The following HMBOX1 variants were observed in gnomAD, a reference collection of about 807,000 sequenced individuals.
HMBOX1 encodes the protein homeobox-containing protein 1.
HMBOX1 carries 14 observed loss-of-function variants against 54.5 expected under a neutral mutation model. The ratio of observed to expected loss-of-function variants is 0.26; its 90% CI spans 0.17 to 0.40. HMBOX1 has a LOEUF of 0.40. Among genes scored for constraint, HMBOX1 ranks in the 10% least tolerant of loss-of-function variants. HMBOX1 has a pLI of 1.00. For missense variants in HMBOX1, 332 were observed against 514.4 expected (o/e 0.65, Z 3.43); for synonymous variants, 160 against 181.0 (o/e 0.88, Z 0.93).
intron 1 of HMBOX1, among the ~76,000 whole-genome samples, chr8:28,908,483 G>C (rs1814761005): frequency 6.6e-6 from 1 of 152,156 alleles, no homozygotes; most frequent in Admixed American, 6.5e-5. Context: ...GGCCAGGTGT[G>C]GTGGCTCACA....
At chr8:28,919,988 TGTG>T (rs1817255808) in intron 1 of HMBOX1, among the ~76,000 whole-genome samples, 1 of 152,004 alleles carries the variant, frequency 6.6e-6, no homozygotes, top group African/African-American at 2.4e-5. Context: ...TGTGTGTGTG[TGTG>T]TGTGTGTGTG....
intron 2 of HMBOX1, among the ~76,000 whole-genome samples, chr8:28,965,120 A>G (rs1826219815): frequency 6.6e-6 from 1 of 152,236 alleles, no homozygotes; most frequent in South Asian, 2.1e-4. Context: ...AGCATCATGA[A>G]GCCATGAATT....
chr8:28,942,982 TCTCTGATTC>T (rs1180594763), intron 1 of HMBOX1, among the ~76,000 whole-genome samples: 2 of 152,258 alleles, frequency 1.3e-5, no homozygotes, highest in Non-Finnish European at 2.9e-5. Context: ...TTTTGTTTTG[TCTCTGATTC>T]CTAGCTTCTA....
intron 4 of HMBOX1, among the ~76,000 whole-genome samples, chr8:28,993,242 G>T (rs1284239675): frequency 6.6e-6 from 1 of 151,888 alleles, no homozygotes; most frequent in African/African-American, 2.4e-5. Flanking sequence ...AATTAAATAA[G>T]ATATATTTTG....
At chr8:29,043,319 A>G (rs1048647804) in intron 6 of HMBOX1, among the ~76,000 whole-genome samples, 2 of 152,114 alleles carry the variant, frequency 1.3e-5, no homozygotes, top group African/African-American at 2.4e-5. Flanking sequence ...CTGCCTTGCA[A>G]CCTCCTGTGC....
intron 1 of HMBOX1, among the ~76,000 whole-genome samples, chr8:28,914,701 A>G (rs1441095991): frequency 6.6e-6 from 1 of 152,220 alleles, no homozygotes; most frequent in East Asian, 1.9e-4. Flanking sequence ...TAATAAAATA[A>G]ATATGTGGTT....
At chr8:28,920,002 T>TGTGTG (rs1817264459) in intron 1 of HMBOX1, among the ~76,000 whole-genome samples, 1 of 150,880 alleles carries the variant, frequency 6.6e-6, no homozygotes, top group African/African-American at 2.4e-5. Context: ...TGTGTGTGTG[T>TGTGTG]TTTTCAATAG....
At chr8:28,987,544 G>C (rs1830348648) in intron 4 of HMBOX1, among the ~76,000 whole-genome samples, 1 of 152,100 alleles carries the variant, frequency 6.6e-6, no homozygotes. Context: ...GAGAGACTCT[G>C]AAGAGAAAAT....
At chr8:29,002,094 GGTT>G (rs1832752507) in intron 4 of HMBOX1, among the ~76,000 whole-genome samples, 1 of 152,152 alleles carries the variant, frequency 6.6e-6, no homozygotes, top group African/African-American at 2.4e-5. Context: ...AGCTTAGATA[GGTT>G]GTTTTGGTTC....
Position 29,021,621 on chromosome 8 carries a change from C to T in HMBOX1, c.851+2708C>T, listed in dbSNP as rs112041432. Among the ~76,000 whole-genome samples the T allele has an allele frequency of 1.9e-3, 285 of 151,718 alleles. 2 individuals carry two copies. The highest frequency in any genetic ancestry group is 5.9e-3 in the African/African-American group (245 of 41,362). ...CTGTAATCCCAGCACTTTGGGAGGC[C>T]GAGGCGGGCGGATCACGAGGCCAGG... On this transcript the variant is annotated intron_variant, in intron 6 of 9. Transcript: ENST00000287701.
At chr8:28,896,821 G>C (rs1812203757) in intron 1 of HMBOX1, among the ~76,000 whole-genome samples, 1 of 152,112 alleles carries the variant, frequency 6.6e-6, no homozygotes, top group Admixed American at 6.5e-5. Context: ...GTTTCTCAGA[G>C]TGTATCTCTG....
At chr8:29,041,463 G>C (rs908600101) in intron 6 of HMBOX1, among the ~76,000 whole-genome samples, 3 of 152,180 alleles carry the variant, frequency 2.0e-5, no homozygotes, top group African/African-American at 2.4e-5. Context: ...TTAGTGGGGA[G>C]CGCGTGTGAG....
At chr8:29,007,636 G>A (rs1410724321) in intron 4 of HMBOX1, among the ~76,000 whole-genome samples, 1 of 152,088 alleles carries the variant, frequency 6.6e-6, no homozygotes, top group Non-Finnish European at 1.5e-5. Context: ...TGGCAACATT[G>A]TGAGACCCTG....
At chr8:29,012,084 G>A (rs1269106925) in intron 5 of HMBOX1, among the ~76,000 whole-genome samples, 1 of 152,206 alleles carries the variant, frequency 6.6e-6, no homozygotes, top group South Asian at 2.1e-4. Flanking sequence ...CCATTTGGTA[G>A]TTGTTGTTGC....
chr8:28,934,574 G>A (rs1012382051), intron 1 of HMBOX1, among the ~76,000 whole-genome samples: 3 of 152,174 alleles, frequency 2.0e-5, no homozygotes. Context: ...GGATATGTTT[G>A]TAAAAACTCT....
chr8:28,997,658 C>T (rs1255302500), intron 4 of HMBOX1, among the ~76,000 whole-genome samples: 1 of 152,134 alleles, frequency 6.6e-6, no homozygotes, highest in Non-Finnish European at 1.5e-5. Flanking sequence ...GTGATCCTTC[C>T]ACCTCAGCCT....
At chr8:29,005,353 A>T (rs1203090313) in intron 4 of HMBOX1, among the ~76,000 whole-genome samples, 1 of 152,212 alleles carries the variant, frequency 6.6e-6, no homozygotes, top group Admixed American at 6.5e-5. Flanking sequence ...AACAATATAG[A>T]GATAGAAATG....
rs1448877951 is a variant in HMBOX1, at chr8:29,028,377, G to A, written c.851+9464G>A. Among the ~76,000 whole-genome samples the A allele has an allele frequency of 1.2e-4, 18 of 152,270 alleles. No homozygotes were observed. The South Asian group carries it at 3.5e-3, about 30-fold the overall frequency. ...TATTCAAGGATGCTATACATCCTGG[G>A]AGAACTAGCATGGAAGAGACAAATC... is the stretch of plus-strand genomic sequence containing the variant. On this transcript the variant is annotated intron_variant, in intron 6 of 9. Transcript: ENST00000287701.
intron 1 of HMBOX1, among the ~76,000 whole-genome samples, chr8:28,928,276 G>A (rs1278623526): frequency 6.6e-6 from 1 of 152,156 alleles, no homozygotes; most frequent in Non-Finnish European, 1.5e-5. Flanking sequence ...ATATCTGAAG[G>A]ATGAATAGAA....
Sources: gnomAD v4.1 joint callset for allele counts (sites outside exome capture counted in the v4.1 genomes callset) on GRCh38, gnomAD v4.1.1 for gene constraint, MANE v1.5 for transcripts, NCBI Gene and HGNC (gene_info 2026-07-23, HGNC 2026-07-21) for gene names.